The following OGDH variants were observed in gnomAD, a reference collection of about 807,000 sequenced individuals.
OGDH encodes 2-oxoglutarate dehydrogenase complex component E1.
Under a neutral mutation model 116.6 loss-of-function variants are expected in OGDH, and 38 were observed. The ratio of observed to expected loss-of-function variants is 0.33; its 90% CI spans 0.25 to 0.43. The LOEUF is 0.43. Ranked by LOEUF, OGDH falls within the 20% of genes least tolerant of loss-of-function variation. The pLI is 1.00. For synonymous variants in OGDH, 488 were observed against 533.3 expected, an observed-to-expected ratio of 0.92 and a Z score of 1.17; for missense variants, 825 against 1,357.2, an observed-to-expected ratio of 0.61 and a Z score of 6.16.
intron 1 of OGDH, among the ~76,000 whole-genome samples, chr7:44,612,731 C>G (rs1562606551): frequency 6.6e-6 from 1 of 151,948 alleles, no homozygotes; most frequent in African/African-American, 2.4e-5. Flanking sequence ...GGGTCTTACT[C>G]TGTCACCCAG....
intron 5 of OGDH, among the ~76,000 whole-genome samples, chr7:44,669,800 A>G (rs1787354629): frequency 6.6e-6 from 1 of 152,142 alleles, no homozygotes; most frequent in African/African-American, 2.4e-5. Flanking sequence ...AGCAGCCCCA[A>G]CTTAGAAGAC....
intron 4 of OGDH, among the ~76,000 whole-genome samples, chr7:44,650,373 C>G (rs1014382908): frequency 6.6e-6 from 1 of 152,118 alleles, no homozygotes; most frequent in Non-Finnish European, 1.5e-5. Context: ...GGAATCCCAG[C>G]CCACTATTAC....
Position 44,694,383 on chromosome 7 carries a change from G to T in OGDH, c.1516-41G>T, listed in dbSNP as rs1459184390. 22 of 1,608,382 alleles carry T rather than the reference G, an allele frequency of 1.4e-5. No individual in the cohort carries two copies. The highest frequency in any genetic ancestry group is 1.8e-5 in the Non-Finnish European group (21 of 1,177,468). On this transcript the variant is annotated intron_variant, in intron 11 of 22. Transcript: ENST00000222673. This position sits in a 1 kb window ranked among gnomAD's most constrained non-coding sequence, Gnocchi z 4.2. ...CCTGAACAGCACTTCTTCCCAAGGGGCCAGCCCTTGTCTCTGACATCCTCT... is the reference window on the plus strand; with the variant it reads ...CCTGAACAGCACTTCTTCCCAAGGGTCCAGCCCTTGTCTCTGACATCCTCT...
chr7:44,705,055 T>TTTTTTTTTTTTTTTTTTTC, intron 20 of OGDH, among the ~76,000 whole-genome samples: 1 of 122,524 alleles, frequency 8.2e-6, no homozygotes, highest in African/African-American at 4.3e-5. Context: ...AATTTTCTTT[T>TTTTTTTTTTTTTTTTTTTC]TTTTTTTTTT....
At chr7:44,664,066 C>T (rs1243306839) in intron 4 of OGDH, among the ~76,000 whole-genome samples, 3 of 152,090 alleles carry the variant, frequency 2.0e-5, no homozygotes, top group Non-Finnish European at 2.9e-5. Context: ...TGAGATATTC[C>T]TGGGTCTTGT....
intron 4 of OGDH, chr7:44,656,388 TTTTC>T: frequency 6.5e-7 from 1 of 1,533,428 alleles, no homozygotes; most frequent in Non-Finnish European, 8.7e-7. Flanking sequence ...GCTTTTCACC[TTTTC>T]AGAGTTGAGG....
chr7:44,700,344 A>C, intron 19 of OGDH, 75 bp downstream of exon 19: 1 of 1,577,740 alleles, frequency 6.3e-7, no homozygotes, highest in Non-Finnish European at 8.6e-7. Flanking sequence ...CTCCTCAGAG[A>C]GCCTCTTGCT....
chr7:44,630,819 A>G (rs1324207767), intron 2 of OGDH, among the ~76,000 whole-genome samples: 2 of 152,152 alleles, frequency 1.3e-5, no homozygotes, highest in Non-Finnish European at 2.9e-5. Flanking sequence ...CAATTTTTCC[A>G]TGGACTGAGG....
intron 5 of OGDH, among the ~76,000 whole-genome samples, chr7:44,671,995 G>A (rs1244558814): frequency 6.6e-6 from 1 of 152,038 alleles, no homozygotes; most frequent in Non-Finnish European, 1.5e-5. Flanking sequence ...TGTGAACCCA[G>A]GAGGCAGAGC....
chr7:44,657,748 G>T (rs1010289125), intron 4 of OGDH, among the ~76,000 whole-genome samples: 2 of 152,022 alleles, frequency 1.3e-5, no homozygotes, highest in African/African-American at 4.8e-5. Flanking sequence ...TTTTTCTAAA[G>T]GTTTTATAGT....
chr7:44,620,854 T>C (rs983209819), intron 1 of OGDH, among the ~76,000 whole-genome samples: 2 of 152,176 alleles, frequency 1.3e-5, no homozygotes, highest in East Asian at 3.8e-4. Flanking sequence ...AGCCAAAATA[T>C]TGGACATCCC....
At chr7:44,675,834 G>A (rs1231273301) in intron 8 of OGDH, 136 bp from the exon 9 acceptor site, 9 of 811,252 alleles carry the variant, frequency 1.1e-5, no homozygotes, top group East Asian at 2.7e-5. Context: ...CCGAGATCGC[G>A]CCATTGCACT....
At chr7:44,635,528 G>A (rs1785627892) in intron 2 of OGDH, among the ~76,000 whole-genome samples, 1 of 152,238 alleles carries the variant, frequency 6.6e-6, no homozygotes, top group South Asian at 2.1e-4. Context: ...CTGTGGCTGA[G>A]GTGGAGTAGG....
chr7:44,675,996 G>A lies in OGDH; in HGVS notation c.1053G>A (p.Leu351=), dbSNP rs1352251229. Residue 351 remains leucine, a synonymous_variant, in exon 9 of 23, where the codon CTG becomes CTA. Transcript: ENST00000222673. The stretch of plus-strand genomic sequence containing the variant: ...GCTCCGGAGATGTGAAGTACCACCT[G>A]GGCATGTATCACCGCAGGATCAATC... ...DEGSGDVKYH[L]GMYHRRINRV... is the part of the protein sequence containing the mutation. 1.2e-6 allele frequency: 2 copies of A among 1,614,138 alleles called. No homozygotes were observed. Among genetic ancestry groups the A allele is most frequent in the Non-Finnish European group, 1.7e-6 (2 of 1,180,024 alleles).
At chr7:44,634,191 G>A (rs1044239892) in intron 2 of OGDH, among the ~76,000 whole-genome samples, 4 of 152,340 alleles carry the variant, frequency 2.6e-5, no homozygotes, top group African/African-American at 7.2e-5. Context: ...CCAGTAGGCC[G>A]GAGCGATTCC....
At chr7:44,667,386 G>A (rs1381297210) in intron 5 of OGDH, among the ~76,000 whole-genome samples, 1 of 152,206 alleles carries the variant, frequency 6.6e-6, no homozygotes, top group Non-Finnish European at 1.5e-5. Flanking sequence ...ATTACAGATG[G>A]AAGGAGAGTC....
At chr7:44,640,136 A>G (rs1785863042) in intron 2 of OGDH, among the ~76,000 whole-genome samples, 1 of 152,200 alleles carries the variant, frequency 6.6e-6, no homozygotes, top group Admixed American at 6.5e-5. Context: ...CCCAGGCATC[A>G]GTGGCTGGAA....
At chr7:44,692,013 A>G (rs899310518) in intron 10 of OGDH, among the ~76,000 whole-genome samples, 1 of 146,582 alleles carries the variant, frequency 6.8e-6, no homozygotes, top group Non-Finnish European at 1.5e-5. Flanking sequence ...AAAGTTTGAT[A>G]TCCTGGGGAA....
intron 1 of OGDH, among the ~76,000 whole-genome samples, chr7:44,621,866 G>A (rs1340132116): frequency 1.5e-5 from 2 of 134,874 alleles, no homozygotes; most frequent in Non-Finnish European, 3.5e-5. Flanking sequence ...GCAAGACTCC[G>A]TATCAAAAAA....
Sources: allele counts gnomAD v4.1 joint callset (sites outside exome capture counted in the v4.1 genomes callset), GRCh38; gene constraint gnomAD v4.1.1; non-coding constraint Gnocchi (gnomAD v3.1); transcripts MANE v1.5; gene names NCBI Gene and HGNC (gene_info 2026-07-23, HGNC 2026-07-21).